EML5: variants seen among roughly 807,000 people sequenced by gnomAD.
The protein encoded by EML5 is echinoderm microtubule-associated protein-like 5.
A neutral mutation model predicts 250.0 loss-of-function variants in EML5; 120 were observed. That is an observed-to-expected ratio of 0.48 (90% CI 0.41 to 0.56). EML5 has a LOEUF of 0.56. Among genes scored for constraint, EML5 ranks in the 20% least tolerant of loss-of-function variants. EML5 has a pLI of 0.00. For synonymous variants in EML5, 771 were observed against 806.5 expected (o/e 0.96, Z 0.75); for missense variants, 2,006 against 2,437.6 (o/e 0.82, Z 3.73).
intron 30 of EML5, 25 bp from the exon 31 acceptor site, chr14:88,643,047 T>A: frequency 6.5e-7 from 1 of 1,544,614 alleles, no homozygotes; most frequent in African/African-American, 1.4e-5. Context: ...ATAAAACCAT[T>A]ATATTCTTCC....
intron 8 of EML5, among the ~76,000 whole-genome samples, chr14:88,725,300 G>A (rs1290791369): frequency 6.6e-6 from 1 of 152,126 alleles, no homozygotes; most frequent in Non-Finnish European, 1.5e-5. Flanking sequence ...TGGTTGAAAT[G>A]TGAAGTTTAT....
intron 27 of EML5, among the ~76,000 whole-genome samples, chr14:88,651,555 A>T (rs1027692393): frequency 1.6e-4 from 25 of 152,092 alleles, no homozygotes; most frequent in Non-Finnish European, 2.6e-4. Flanking sequence ...TAATTTTTTT[A>T]AAAAATCAAT....
At chr14:88,708,556 AT>A (rs2093355015) in intron 10 of EML5, among the ~76,000 whole-genome samples, 1 of 152,148 alleles carries the variant, frequency 6.6e-6, no homozygotes, top group African/African-American at 2.4e-5. Flanking sequence ...TTGAGTTGGA[AT>A]GCTAGACTGT....
In EML5 at chr14:88,706,394, C is replaced by T; in HGVS notation, c.1690G>A (p.Ala564Thr). 2 of 1,596,494 alleles carry T rather than the reference C, an allele frequency of 1.3e-6. No homozygotes were observed. The highest frequency in any genetic ancestry group is 2.3e-5 in the East Asian group (1 of 44,280). The stretch of plus-strand genomic sequence containing the variant: ...GACCATCTGACATTAGTTACGTGAG[C>T]TGAATGGCCAATATATTTTCTAAAC... ...AKFRKYIGHS[A>T]HVTNVRWSHD... The change falls in exon 11 of 44, where the codon GCT (alanine) becomes ACT (threonine). Residue 564 changes from alanine to threonine, a missense_variant. Ala to Thr is a moderately conservative substitution (Grantham distance 58, BLOSUM62 0). Transcript: ENST00000554922.
At chr14:88,736,705 C>G (rs776689710) in intron 6 of EML5, 140 bp from the exon 7 acceptor site, 24 of 745,948 alleles carry the variant, frequency 3.2e-5, no homozygotes, top group Non-Finnish European at 4.7e-5. Context: ...GCCTGAAAGC[C>G]AAGCTACAAG....
At chr14:88,760,462 T>C (rs1209889377) in intron 1 of EML5, among the ~76,000 whole-genome samples, 1 of 148,392 alleles carries the variant, frequency 6.7e-6, no homozygotes, top group Non-Finnish European at 1.5e-5. Context: ...CAAAAATCAA[T>C]TGACCATATC....
At chr14:88,765,094 GTATTA>G (rs1458951821) in intron 1 of EML5, among the ~76,000 whole-genome samples, 3 of 151,432 alleles carry the variant, frequency 2.0e-5, no homozygotes, top group Non-Finnish European at 2.9e-5. Context: ...TGTAACAAGG[GTATTA>G]TATTAGTTTT....
chr14:88,633,602 G>A (rs1396339145), intron 33 of EML5, among the ~76,000 whole-genome samples: 1 of 151,508 alleles, frequency 6.6e-6, no homozygotes, highest in South Asian at 2.1e-4. Context: ...TTGTGTTACT[G>A]GAACTTGCAG....
At chr14:88,652,348 C>G (rs2091668552) in intron 27 of EML5, among the ~76,000 whole-genome samples, 1 of 152,162 alleles carries the variant, frequency 6.6e-6, no homozygotes, top group Admixed American at 6.6e-5. Flanking sequence ...CTAGACTTCC[C>G]TGGCAACGCG....
At chr14:88,643,817 C>T (rs2091202910) in intron 30 of EML5, among the ~76,000 whole-genome samples, 1 of 152,194 alleles carries the variant, frequency 6.6e-6, no homozygotes, top group Non-Finnish European at 1.5e-5. Flanking sequence ...TGAAAATGTA[C>T]ATTTCATTGA....
chr14:88,618,702 A>G lies in EML5; in HGVS notation c.5486T>C (p.Ile1829Thr). The G allele has an allele frequency of 6.2e-7, 1 of 1,612,192 alleles. No homozygotes were observed. Among genetic ancestry groups the G allele is most frequent in the Non-Finnish European group, 8.5e-7 (1 of 1,179,158 alleles). The change falls in exon 40 of 44, where the codon ATT becomes ACT. Residue 1829 changes from isoleucine (I) to threonine (T), a missense_variant. This residue lies in a region of EML5 where 405 missense variants were observed against 523.3 expected (regional missense o/e 0.77). Coordinates refer to ENST00000554922, the MANE Select transcript of EML5 (RefSeq NM_183387.3). Reference protein sequence around the residue: ...TLNRISYCKDIPSFVIQMDFS... With the variant: ...TLNRISYCKDTPSFVIQMDFS... ...GTCCATTTGAATGACAAAGCTTGGA[A>G]TGTCTTTGCAGTAGCTGATTCTGTT...
At position 88,615,740 on chromosome 14, in the gene EML5, CA is replaced by C. The variant is rs2087493906; in HGVS notation, c.*77del. 6 of 1,385,604 alleles carry C rather than the reference CA, an allele frequency of 4.3e-6. No individual in the cohort carries two copies. The East Asian group carries it at 1.2e-4, about 27-fold the overall frequency. The allele number at this position is 1,385,604 out of a possible 1,614,324, so 85.8% of individuals were successfully genotyped here. A position where few individuals can be genotyped will look rare whatever the true frequency, so the allele number is the denominator to read the frequency against. ...CAGTCTTGGGTTAGCACCACTTGAC[CA>C]TGCAGGGTTGGGTTTTGGTTTTTCT... On this transcript the variant is annotated 3_prime_UTR_variant, in exon 44 of 44. Coordinates refer to ENST00000554922, the MANE Select transcript of EML5 (RefSeq NM_183387.3).
intron 8 of EML5, among the ~76,000 whole-genome samples, chr14:88,719,831 AAATT>A (rs1460829257): frequency 2.0e-5 from 3 of 152,182 alleles, no homozygotes; most frequent in Admixed American, 6.5e-5. Context: ...TCCCTCCAAA[AAATT>A]AATTAATCTA....
intron 1 of EML5, among the ~76,000 whole-genome samples, chr14:88,775,658 C>A (rs1481678797): frequency 1.3e-5 from 2 of 152,150 alleles, no homozygotes; most frequent in Admixed American, 6.5e-5. Context: ...TGGATGGTAC[C>A]TCTGGACCCA....
intron 1 of EML5, among the ~76,000 whole-genome samples, chr14:88,775,132 G>A (rs1426436815): frequency 6.6e-6 from 1 of 152,162 alleles, no homozygotes; most frequent in Non-Finnish European, 1.5e-5. Context: ...TATGTCAAGG[G>A]CCTTAAGTGA....
chr14:88,687,354 A>G, intron 18 of EML5, 27 bp from the exon 19 acceptor site: 1 of 1,464,358 alleles, frequency 6.8e-7, no homozygotes, highest in Non-Finnish European at 9.2e-7. Context: ...GTTCAAGTTA[A>G]TAAAGATCTA....
intron 1 of EML5, among the ~76,000 whole-genome samples, chr14:88,789,370 A>G (rs1198122401): frequency 1.3e-5 from 2 of 152,236 alleles, no homozygotes; most frequent in East Asian, 3.8e-4. Context: ...TTACTAAGAT[A>G]AATATAACTA....
At chr14:88,711,470 GGAGAA>G (rs1566678304) in intron 10 of EML5, among the ~76,000 whole-genome samples, 7 of 140,332 alleles carry the variant, frequency 5.0e-5, no homozygotes, top group Non-Finnish European at 9.1e-5. Context: ...GTGGCATGAA[GGAGAA>G]GTCCATGAGA....
rs771818767 is a variant in EML5 at position 88,743,982 on chromosome 14, G to A, written c.525+41C>T. ...AGTGCAATATATACTTAGCAGCAGA[G>A]AACTAAACGTGACTATTATAAAACA... On this transcript the variant is annotated intron_variant, in intron 4 of 43. Transcript: ENST00000554922. 4.4e-6 allele frequency: 6 copies of A among 1,373,034 alleles called. No homozygotes were observed. The South Asian group carries it at 8.5e-5, about 20-fold the overall frequency. 85.1% of individuals were successfully genotyped at this position (1,373,034 alleles called of 1,614,324 possible).
Sources: gnomAD v4.1 joint callset for allele counts (sites outside exome capture counted in the v4.1 genomes callset) on GRCh38, gnomAD v4.1.1 for gene constraint, gnomAD v4.1.1 regional missense constraint, MANE v1.5 for transcripts, NCBI Gene and HGNC (gene_info 2026-07-23, HGNC 2026-07-21) for gene names.